The following TTC39C variants were observed in gnomAD, a reference collection of about 807,000 sequenced individuals.
TTC39C encodes tetratricopeptide repeat protein 39C.
TTC39C carries 33 observed loss-of-function variants against 76.3 expected under a neutral mutation model. The ratio of observed to expected loss-of-function variants is 0.43; its 90% confidence interval spans 0.33 to 0.58. The LOEUF (loss-of-function observed/expected upper bound fraction) is 0.58, where lower values mean the gene tolerates loss of function less well. Among genes scored for constraint, TTC39C ranks in the 20% least tolerant of loss-of-function variants. TTC39C has a pLI of 0.04. For synonymous variants in TTC39C, 254 were observed against 260.6 expected, an observed-to-expected ratio of 0.97 and a Z score of 0.24; for missense variants, 595 against 701.4, an observed-to-expected ratio of 0.85 and a Z score of 1.71.
intron 13 of TTC39C, 62 bp from the exon 14 acceptor site, chr18:24,132,420 ATAC>A: frequency 7.0e-7 from 1 of 1,420,132 alleles, no homozygotes; most frequent in Non-Finnish European, 9.8e-7. Context: ...AGTGTGCTTT[ATAC>A]CACAGTACCC....
rs2085162265 is a variant in TTC39C, at chr18:24,133,625, C to G, written c.*1051C>G. ...GGGCTACACAGTGCCAGGATTTAAT[C>G]ATTTTCCCCTTAGCTCAGGTTATTT... is the stretch of plus-strand genomic sequence containing the variant. On this transcript the variant is annotated 3_prime_UTR_variant, in exon 14 of 14. Transcript: ENST00000317571. 1 of 152,198 alleles carries G rather than the reference C, an allele frequency of 6.6e-6. No individual in the cohort carries two copies. The allele number at this position is 152,198 out of a possible 1,614,324, so 9.4% of individuals were successfully genotyped here.
chr18:24,016,578 C>T, intron 1 of TTC39C: 1 of 397,444 alleles, frequency 2.5e-6, no homozygotes, highest in Non-Finnish European at 4.4e-6. Flanking sequence ...TTTTTTAACC[C>T]TTCTTTAGTA....
chr18:24,081,307 T>C (rs1348913211), intron 5 of TTC39C, among the ~76,000 whole-genome samples: 1 of 152,244 alleles, frequency 6.6e-6, no homozygotes, highest in Non-Finnish European at 1.5e-5. Flanking sequence ...ATTTTTATTC[T>C]TATAAAGAAT....
At chr18:24,048,259 T>C (rs1423382554) in intron 1 of TTC39C, among the ~76,000 whole-genome samples, 1 of 152,256 alleles carries the variant, frequency 6.6e-6, no homozygotes, top group Admixed American at 6.5e-5. Flanking sequence ...TACACGTGTG[T>C]GCCTTCCAAA....
chr18:24,087,593 GTTTTTTTTT>G (rs1200956089), intron 6 of TTC39C, among the ~76,000 whole-genome samples: 1 of 132,882 alleles, frequency 7.5e-6, no homozygotes, highest in East Asian at 2.2e-4. Flanking sequence ...TTTTTTTTTT[GTTTTTTTTT>G]GAGACAGAGT....
At chr18:24,064,670 A>T (rs2084143818) in intron 2 of TTC39C, among the ~76,000 whole-genome samples, 1 of 152,222 alleles carries the variant, frequency 6.6e-6, no homozygotes, top group Admixed American at 6.5e-5. Flanking sequence ...GGAAAATGGG[A>T]TACTTCGATT....
At chr18:24,101,085 A>T (rs1226444132) in intron 6 of TTC39C, among the ~76,000 whole-genome samples, 1 of 152,182 alleles carries the variant, frequency 6.6e-6, no homozygotes, top group African/African-American at 2.4e-5. Context: ...CGTTCGGTAG[A>T]ACATACTTTG....
In TTC39C at chr18:24,066,101, T is replaced by C; in HGVS notation, c.306T>C (p.Ala102=). 1 of 1,600,294 alleles carries C rather than the reference T, an allele frequency of 6.2e-7. No homozygotes were observed. The highest frequency in any genetic ancestry group is 8.5e-7 in the Non-Finnish European group (1 of 1,176,842). Reference sequence around the variant, plus strand: ...AAAAACTGTGTGAAAGTGAAGAGGCTGGAGTAATTGAAACAATCAAGAATA... The same window carrying C: ...AAAAACTGTGTGAAAGTGAAGAGGCCGGAGTAATTGAAACAATCAAGAATA... ...TTEKLCESEE[A]GVIETIKNKI... The change falls in exon 3 of 14, where the codon GCT becomes GCC. Residue 102 remains alanine, a synonymous_variant. Coordinates refer to ENST00000317571, the MANE Select transcript of TTC39C (RefSeq NM_001135993.2).
intron 3 of TTC39C, 73 bp downstream of exon 3, chr18:24,066,213 A>G: frequency 6.6e-7 from 1 of 1,521,258 alleles, no homozygotes; most frequent in Non-Finnish European, 8.8e-7. Context: ...ATTTAGAACA[A>G]AAGCCATTTG....
intron 6 of TTC39C, among the ~76,000 whole-genome samples, chr18:24,103,098 T>C (rs1371790816): frequency 6.6e-6 from 1 of 152,066 alleles, no homozygotes. Context: ...TGAGACCGTG[T>C]CTGGAAAAAA....
intron 5 of TTC39C, among the ~76,000 whole-genome samples, chr18:24,082,462 C>T (rs577315422): frequency 2.0e-5 from 3 of 152,168 alleles, no homozygotes; most frequent in South Asian, 4.1e-4. Flanking sequence ...GGTTTATACC[C>T]TAAGTTTTGT....
chr18:24,108,857 A>G (rs2084777630), intron 6 of TTC39C, among the ~76,000 whole-genome samples: 1 of 152,210 alleles, frequency 6.6e-6, no homozygotes, highest in Non-Finnish European at 1.5e-5. Context: ...CCTGTTAGAT[A>G]AAATCTGGAA....
intron 9 of TTC39C, among the ~76,000 whole-genome samples, chr18:24,124,597 T>C: frequency 6.6e-6 from 1 of 152,222 alleles, no homozygotes; most frequent in East Asian, 1.9e-4. Context: ...TTGAGTTATG[T>C]AGTGTCTTAT....
chr18:23,996,986 G>A (rs548057710), intron 1 of TTC39C, among the ~76,000 whole-genome samples: 2 of 152,288 alleles, frequency 1.3e-5, no homozygotes, highest in African/African-American at 2.4e-5. Flanking sequence ...GCACACACCT[G>A]TAGTCCCAGC....
chr18:24,092,123 A>AAAAAAT (rs1555775346), intron 6 of TTC39C, among the ~76,000 whole-genome samples: 2 of 50,504 alleles, frequency 4.0e-5, no homozygotes, highest in African/African-American at 1.0e-4. Flanking sequence ...AAAAAAAAAA[A>AAAAAAT]AATAATAATA....
Position 24,014,893 on chromosome 18 carries a change from C to G in TTC39C, c.22C>G (p.Arg8Gly). 2 of 1,481,356 alleles carry G rather than the reference C, an allele frequency of 1.4e-6. No individual in the cohort carries two copies. The highest frequency in any genetic ancestry group is 1.8e-6 in the Non-Finnish European group (2 of 1,117,112). 91.8% of individuals were successfully genotyped at this position (1,481,356 alleles called of 1,614,324 possible). MAGSEQQRPRRRDDGDSD... is the reference protein window; with the variant it reads MAGSEQQGPRRRDDGDSD... ...GCCCATGGCCGGCTCGGAGCAGCAG[C>G]GGCCGCGGCGGCGGGACGACGGAGA... Residue 8 changes from arginine to glycine, a missense_variant, in exon 1 of 14, where the codon CGG (arginine) becomes GGG (glycine). Transcript: ENST00000317571.
At chr18:24,098,949 A>G (rs904481339) in intron 6 of TTC39C, among the ~76,000 whole-genome samples, 4 of 148,046 alleles carry the variant, frequency 2.7e-5, no homozygotes, top group Non-Finnish European at 4.5e-5. Context: ...TCTTTTTTTA[A>G]TCGAGTGTTT....
intron 8 of TTC39C, among the ~76,000 whole-genome samples, chr18:24,121,945 C>T (rs1056476870): frequency 4.6e-5 from 7 of 152,178 alleles, no homozygotes; most frequent in African/African-American, 1.2e-4. Context: ...TGGATTGGTG[C>T]ACACTCCTCC....
intron 1 of TTC39C, chr18:24,020,436 A>G (rs77835362): frequency 0.012 from 5,130 of 429,728 alleles, 229 homozygotes; most frequent in African/African-American, 0.1. Context: ...CAAATACACA[A>G]TGCGAAAGAT....
Sources: allele counts gnomAD v4.1 joint callset (sites outside exome capture counted in the v4.1 genomes callset), GRCh38; gene constraint gnomAD v4.1.1; transcripts MANE v1.5; gene names NCBI Gene and HGNC (gene_info 2026-07-23, HGNC 2026-07-21).